The following DCAF1 variants were observed in gnomAD, a reference collection of about 807,000 sequenced individuals.
DCAF1 encodes DDB1 and CUL4 associated factor 1, also known as DDB1- and CUL4-associated factor 1.
A neutral mutation model predicts 128.0 loss-of-function variants in DCAF1; 15 were observed. That is an observed-to-expected ratio of 0.12 (90% confidence interval 0.08 to 0.18). DCAF1 has a LOEUF of 0.18. Among genes scored for constraint, DCAF1 ranks in the 10% least tolerant of loss-of-function variants. The pLI is 1.00. For synonymous variants in DCAF1, 610 were observed against 603.0 expected (o/e 1.01, Z -0.17); for missense variants, 988 against 1,649.5 (o/e 0.60, Z 6.95).
At chr3:51,490,255 A>G (rs1553657341) in intron 2 of DCAF1, among the ~76,000 whole-genome samples, 1 of 152,158 alleles carries the variant, frequency 6.6e-6, no homozygotes, top group East Asian at 1.9e-4. Flanking sequence ...GTCTTTACAA[A>G]AAAGGCAAAA....
At chr3:51,473,372 T>C (rs1473980913) in intron 3 of DCAF1, among the ~76,000 whole-genome samples, 1 of 149,456 alleles carries the variant, frequency 6.7e-6, no homozygotes, top group Non-Finnish European at 1.5e-5. Context: ...ACATGCTCTG[T>C]CCTAAATCAA....
downstream of DCAF1, chr3:51,396,305 A>AAAAG (rs1305848327): frequency 5.4e-6 from 1 of 183,938 alleles, no homozygotes; most frequent in Admixed American, 6.4e-5. Flanking sequence ...CATGGCCCCA[A>AAAAG]AAAGAACTGC....
chr3:51,482,804 T>C (rs1706392107), intron 3 of DCAF1, among the ~76,000 whole-genome samples: 1 of 148,680 alleles, frequency 6.7e-6, no homozygotes, highest in Non-Finnish European at 1.5e-5. Context: ...CACCAAACAG[T>C]TGGGAAATGA....
chr3:51,415,893 C>T (rs983021552), intron 18 of DCAF1, among the ~76,000 whole-genome samples: 3 of 152,114 alleles, frequency 2.0e-5, no homozygotes, highest in Non-Finnish European at 4.4e-5. Flanking sequence ...CAGCTCCCAA[C>T]TTTTGTATTC....
intron 3 of DCAF1, among the ~76,000 whole-genome samples, chr3:51,474,056 G>A (rs1234617621): frequency 6.6e-6 from 1 of 151,560 alleles, no homozygotes; most frequent in Non-Finnish European, 1.5e-5. Flanking sequence ...TGATCCACCC[G>A]CCTTGGTTTC....
At chr3:51,492,728 C>G (rs1194735987) in intron 2 of DCAF1, among the ~76,000 whole-genome samples, 9 of 152,190 alleles carry the variant, frequency 5.9e-5, no homozygotes, top group African/African-American at 2.2e-4. Context: ...GGCGCGGTGG[C>G]TCATGCTTGC....
chr3:51,442,389 T>C (rs912274464), intron 7 of DCAF1, among the ~76,000 whole-genome samples: 2 of 152,186 alleles, frequency 1.3e-5, no homozygotes, highest in East Asian at 1.9e-4. Flanking sequence ...AAAGTGGTAC[T>C]GTGTTTCATT....
chr3:51,429,803 G>A (rs1365487038), intron 11 of DCAF1, among the ~76,000 whole-genome samples: 5 of 151,466 alleles, frequency 3.3e-5, no homozygotes, highest in Admixed American at 1.3e-4. Context: ...GCCAATCCCC[G>A]TTATAAGATT....
At chr3:51,445,407 A>G (rs1701757991) in intron 6 of DCAF1, among the ~76,000 whole-genome samples, 1 of 152,222 alleles carries the variant, frequency 6.6e-6, no homozygotes, top group Non-Finnish European at 1.5e-5. Flanking sequence ...GCACACTTAA[A>G]TAACACTCAA....
rs1708271607 is a variant in DCAF1 at position 51,496,723 on chromosome 3, T to C, written c.-9+11A>G. 6.6e-6 allele frequency among the ~76,000 whole-genome samples: 1 copy of C among 152,140 alleles called. No individual in the cohort carries two copies. The highest frequency in any genetic ancestry group is 2.1e-4 in the South Asian group (1 of 4,834). ...GTTTCAAGGATTCAAATCCCAACTC[T>C]GCTGACATACCTGTGAAGTCTTGGT... On this transcript the variant is annotated intron_variant, in intron 2 of 24. Coordinates refer to ENST00000684031, the MANE Select transcript of DCAF1 (RefSeq NM_001387579.1).
chr3:51,418,964 A>G, intron 15 of DCAF1, 88 bp from the exon 16 acceptor site: 1 of 1,436,024 alleles, frequency 7.0e-7, no homozygotes, highest in Non-Finnish European at 9.1e-7. Context: ...AAAGCACAGA[A>G]CATTAATGTT....
intron 6 of DCAF1, among the ~76,000 whole-genome samples, chr3:51,446,207 C>A (rs1553640186): frequency 6.6e-6 from 1 of 151,998 alleles, no homozygotes; most frequent in Admixed American, 6.6e-5. Context: ...GTTGGCCAAG[C>A]TGATCTTGAA....
chr3:51,416,733 A>G, intron 18 of DCAF1, 54 bp downstream of exon 18: 2 of 1,562,868 alleles, frequency 1.3e-6, no homozygotes, highest in East Asian at 2.3e-5. Flanking sequence ...AGAAGATTTC[A>G]GTATGAACAA....
the DCAF1 span, among the ~76,000 whole-genome samples, chr3:51,505,373 AC>A: frequency 6.6e-6 from 1 of 152,172 alleles, no homozygotes; most frequent in Non-Finnish European, 1.5e-5. Context: ...AAGGTCAGAG[AC>A]CCACCACACC....
At chr3:51,504,193 C>A (rs570898062), upstream of DCAF1, among the ~76,000 whole-genome samples, 1 of 151,982 alleles carries the variant, frequency 6.6e-6, no homozygotes, top group East Asian at 1.9e-4. Context: ...CCCGCCACCA[C>A]GCCTGGCTAA....
At chr3:51,398,938 A>G (rs2089433095) in intron 24 of DCAF1, 111 bp from the exon 25 acceptor site, 1 of 1,349,752 alleles carries the variant, frequency 7.4e-7, no homozygotes, top group Non-Finnish European at 1.0e-6. Flanking sequence ...GTTAACTACC[A>G]GTTTCCAGAA....
chr3:51,498,884 T>C (rs1485094791), intron 1 of DCAF1, among the ~76,000 whole-genome samples: 1 of 152,184 alleles, frequency 6.6e-6, no homozygotes, highest in Non-Finnish European at 1.5e-5. Context: ...TGCAGGATGA[T>C]ATTACCAATT....
chr3:51,444,203 T>A (rs1701626448), intron 6 of DCAF1, among the ~76,000 whole-genome samples: 1 of 152,054 alleles, frequency 6.6e-6, no homozygotes, highest in Non-Finnish European at 1.5e-5. Flanking sequence ...ATAGTCCTAA[T>A]CTAGATGTTA....
rs531125538 is a variant in DCAF1, at chr3:51,497,813, T to G, written c.-55-1033A>C. 6.0e-5 allele frequency among the ~76,000 whole-genome samples: 9 copies of G among 150,466 alleles called. No homozygotes were observed. In the East Asian group the frequency reaches 1.8e-3, roughly 29 times the overall value. On this transcript the variant is annotated intron_variant, in intron 1 of 24. Transcript: ENST00000684031. ...CAGCAGGCTCCTTTGAGCCCAGGAG[T>G]TGTTGGAGGCTGCAATGAGTTATGA...
Sources: gnomAD v4.1 joint callset for allele counts (sites outside exome capture counted in the v4.1 genomes callset) on GRCh38, gnomAD v4.1.1 for gene constraint, MANE v1.5 for transcripts, NCBI Gene and HGNC (gene_info 2026-07-23, HGNC 2026-07-21) for gene names.